TSR1: variants seen among roughly 807,000 people sequenced by gnomAD.
The protein encoded by TSR1 is pre-rRNA-processing protein TSR1 homolog.
TSR1 carries 81 observed loss-of-function variants against 90.9 expected under a neutral mutation model. The ratio of observed to expected loss-of-function variants is 0.89; its 90% confidence interval spans 0.74 to 1.07. TSR1 has a LOEUF of 1.07. Among genes scored for constraint, TSR1 ranks in the 50% least tolerant of loss-of-function variants. The pLI is 0.00. For synonymous variants in TSR1, 362 were observed against 348.8 expected, an observed-to-expected ratio of 1.04 and a Z score of -0.42; for missense variants, 989 against 987.3, an observed-to-expected ratio of 1.00 and a Z score of -0.02.
intron 10 of TSR1, 72 bp downstream of exon 10, chr17:2,330,443 C>A: frequency 7.0e-7 from 1 of 1,434,416 alleles, no homozygotes; most frequent in Non-Finnish European, 9.8e-7. Flanking sequence ...CACACATAAA[C>A]AGAATTTTAG....
intron 1 of TSR1, 58 bp from the exon 2 acceptor site, chr17:2,336,198 ACTCCT>A (rs2064076321): frequency 6.2e-7 from 1 of 1,600,216 alleles, no homozygotes. Flanking sequence ...AAGAAAAGGG[ACTCCT>A]CTCCGCCCAC....
At position 2,334,525 on chromosome 17, in the gene TSR1, G is replaced by A. The variant is rs139994985; in HGVS notation, c.928C>T (p.Pro310Ser). 1.9e-5 allele frequency: 30 copies of A among 1,614,104 alleles called. No individual in the cohort carries two copies. Among genetic ancestry groups the A allele is most frequent in the Non-Finnish European group, 2.5e-5 (29 of 1,180,028 alleles). ...KQIDAPGDPF[P>S]LNPRGIKPQK... Reference sequence around the variant, plus strand: ...GGTTTAATTCCTCTAGGATTTAAAGGGAAAGGGTCTCCGGGGGCATCTATC... The same window carrying A: ...GGTTTAATTCCTCTAGGATTTAAAGAGAAAGGGTCTCCGGGGGCATCTATC... The change falls in exon 5 of 15, where the codon CCT becomes TCT. Residue 310 changes from proline to serine, a missense_variant. Coordinates refer to ENST00000301364, the MANE Select transcript of TSR1 (RefSeq NM_018128.5).
chr17:2,331,149 T>C (rs1344609209), intron 8 of TSR1, 40 bp from the exon 9 acceptor site: 1 of 1,475,026 alleles, frequency 6.8e-7, no homozygotes, highest in Non-Finnish European at 9.0e-7. Context: ...AAGTCAGATT[T>C]ATATGGTGCT....
At position 2,335,354 on chromosome 17, in the gene TSR1, A is replaced by T; in HGVS notation, c.462T>A (p.Asp154Glu). Residue 154 changes from aspartate (D) to glutamate (E), a missense_variant, in exon 4 of 15, where the codon GAT becomes GAA. Coordinates refer to ENST00000301364, the MANE Select transcript of TSR1 (RefSeq NM_018128.5). ...HVVLDMAKVA[D>E]TILFLLDPLE... ...GTGGATCAAGGAGGAACAGGATGGT[A>T]TCAGCTACTTTAGCCATGTCTAACA... 2 of 1,613,966 alleles carry T rather than the reference A, an allele frequency of 1.2e-6. No homozygotes were observed. The highest frequency in any genetic ancestry group is 1.3e-5 in the African/African-American group (1 of 75,006).
intron 4 of TSR1, 57 bp downstream of exon 4, chr17:2,335,203 A>G: frequency 1.9e-6 from 3 of 1,546,110 alleles, no homozygotes. Context: ...CCTGTATCAA[A>G]TACCAGGCAT....
chr17:2,325,145 A>G (rs192949549), intron 12 of TSR1, 159 bp downstream of exon 12: 29 of 642,842 alleles, frequency 4.5e-5, no homozygotes, highest in African/African-American at 7.2e-5. Context: ...TGGAGTTTTC[A>G]TTGTTCTATT....
intron 11 of TSR1, among the ~76,000 whole-genome samples, chr17:2,327,118 A>AT (rs957744678): frequency 6.9e-6 from 1 of 144,952 alleles, no homozygotes; most frequent in Non-Finnish European, 1.5e-5. Context: ...AAAAAAAAAA[A>AT]TTTTTTTTTC....
intron 7 of TSR1, 94 bp downstream of exon 7, chr17:2,332,867 G>A: frequency 2.4e-6 from 3 of 1,238,238 alleles, no homozygotes; most frequent in South Asian, 1.7e-5. Flanking sequence ...ATAAAAAAAA[G>A]AAACTAACCA....
chr17:2,333,474 C>A, intron 6 of TSR1, 83 bp downstream of exon 6: 1 of 1,566,388 alleles, frequency 6.4e-7, no homozygotes. Flanking sequence ...CCACTCTATC[C>A]TATAGGGCCC....
intron 11 of TSR1, among the ~76,000 whole-genome samples, chr17:2,328,402 G>C (rs555379342): frequency 1.3e-5 from 2 of 151,812 alleles, no homozygotes; most frequent in East Asian, 3.9e-4. Context: ...ACCCCAACAT[G>C]GTGAAACCCC....
rs763810217 is a variant in TSR1 at position 2,332,296 on chromosome 17, C to T, written c.1369G>A (p.Asp457Asn). ...TCATCTACTTTCTTATCATACAGAT[C>T]ATCATGCACAGACTCCCCAATAGTC... The part of the protein sequence containing the change: ...TMTIGESVHD[D>N]LYDKKVDEEA... The change falls in exon 8 of 15, where the codon GAT (aspartate) becomes AAT (asparagine). Residue 457 changes from aspartate to asparagine, a missense_variant. Asp to Asn is a conservative substitution (Grantham distance 23, BLOSUM62 1). Coordinates refer to ENST00000301364, the MANE Select transcript of TSR1 (RefSeq NM_018128.5). The T allele has an allele frequency of 6.2e-7, 1 of 1,613,824 alleles. No homozygotes were observed. The highest frequency in any genetic ancestry group is 8.5e-7 in the Non-Finnish European group (1 of 1,179,980).
chr17:2,326,964 G>A (rs904466496), intron 11 of TSR1, among the ~76,000 whole-genome samples: 20 of 151,852 alleles, frequency 1.3e-4, no homozygotes, highest in African/African-American at 4.4e-4. Flanking sequence ...AATTAGCTAG[G>A]CATGGTGGTA....
At chr17:2,332,641 C>T (rs2064014788) in intron 7 of TSR1, among the ~76,000 whole-genome samples, 1 of 152,100 alleles carries the variant, frequency 6.6e-6, no homozygotes, top group Non-Finnish European at 1.5e-5. Flanking sequence ...TTGAGACCAT[C>T]CTGGCTAACA....
At chr17:2,328,215 T>C (rs556285797) in intron 11 of TSR1, among the ~76,000 whole-genome samples, 2 of 132,554 alleles carry the variant, frequency 1.5e-5, no homozygotes, top group East Asian at 2.2e-4. Flanking sequence ...TGCACTCCAG[T>C]TGAGCATCAG....
intron 8 of TSR1, among the ~76,000 whole-genome samples, 196 bp from the exon 9 acceptor site, chr17:2,331,305 T>A (rs1473288121): frequency 6.6e-6 from 1 of 152,144 alleles, no homozygotes; most frequent in Non-Finnish European, 1.5e-5. Flanking sequence ...AACCCAAGCT[T>A]CTCACTGACA....
rs753880897 is a variant in TSR1 at position 2,324,319 on chromosome 17, T to C, written c.2292A>G (p.Thr764=). Residue 764 remains threonine, a synonymous_variant, in exon 15 of 15, where the codon ACA becomes ACG. Transcript: ENST00000301364. ...SFDGKLKSQD[T]VLMNLYKRVF... ...CTCGTTTATACAGGTTCATCAGTAC[T>C]GTGTCTTGAGATTTTAGCTTCCCAT... 7.0e-6 allele frequency: 11 copies of C among 1,569,126 alleles called. No homozygotes were observed. The South Asian group carries it at 1.3e-4, about 19-fold the overall frequency.
chr17:2,335,447 TAAAAA>T, intron 3 of TSR1, 53 bp from the exon 4 acceptor site: 8 of 1,494,200 alleles, frequency 5.4e-6, no homozygotes, highest in Non-Finnish European at 7.1e-6. Context: ...CACATTATTC[TAAAAA>T]AAAAAAAAAA....
At chr17:2,333,769 C>CT in intron 5 of TSR1, 53 bp from the exon 6 acceptor site, 1 of 1,606,784 alleles carries the variant, frequency 6.2e-7, no homozygotes, top group East Asian at 2.2e-5. Context: ...TCTCCTAAAT[C>CT]TAACACAGTA....
chr17:2,332,849 T>A (rs1048948556), intron 7 of TSR1, 112 bp downstream of exon 7: 56 of 1,084,932 alleles, frequency 5.2e-5, no homozygotes, highest in Admixed American at 8.2e-5. Context: ...AAAAAAAAAA[T>A]AAAAAAAATA....
Sources: gnomAD v4.1 joint callset for allele counts (sites outside exome capture counted in the v4.1 genomes callset) on GRCh38, gnomAD v4.1.1 for gene constraint, MANE v1.5 for transcripts, NCBI Gene and HGNC (gene_info 2026-07-23, HGNC 2026-07-21) for gene names.